The following AFF3 variants were observed in gnomAD, a reference collection of about 807,000 sequenced individuals.
AFF3 encodes the protein ALF transcription elongation factor 3, also known as AF4/FMR2 family member 3.
AFF3 carries 32 observed loss-of-function variants against 129.7 expected under a neutral mutation model. The observed-to-expected ratio is 0.25, with a 90% CI of 0.19 to 0.33. The LOEUF (loss-of-function observed/expected upper bound fraction) is 0.33, where lower values mean the gene tolerates loss of function less well. Among genes scored for constraint, AFF3 ranks in the 10% least tolerant of loss-of-function variants. The probability of loss-of-function intolerance (pLI) is 1.00; values close to 1 mark genes in which losing one functional copy is unlikely to be tolerated. For synonymous variants in AFF3, 644 were observed against 635.4 expected, an observed-to-expected ratio of 1.01 and a Z score of -0.20; for missense variants, 1,373 against 1,592.0, an observed-to-expected ratio of 0.86 and a Z score of 2.34.
At chr2:99,701,066 T>C (rs1676811613) in intron 11 of AFF3, among the ~76,000 whole-genome samples, 1 of 152,192 alleles carries the variant, frequency 6.6e-6, no homozygotes, top group South Asian at 2.1e-4. Flanking sequence ...CTAGGCATGC[T>C]GGACTCCATA....
intron 7 of AFF3, among the ~76,000 whole-genome samples, chr2:99,867,278 G>C (rs1346098380): frequency 6.6e-6 from 1 of 151,838 alleles, no homozygotes; most frequent in African/African-American, 2.4e-5. Context: ...TGCTTCGAAG[G>C]ATCCTTCTTT....
intron 2 of AFF3, among the ~76,000 whole-genome samples, chr2:100,124,664 G>C (rs879841073): frequency 1.5e-4 from 23 of 151,610 alleles, no homozygotes; most frequent in East Asian, 5.8e-4. Context: ...GGAGCAGAAG[G>C]GGGGAGATGG....
chr2:99,585,902 T>C (rs1028718441), intron 16 of AFF3, among the ~76,000 whole-genome samples: 3 of 152,072 alleles, frequency 2.0e-5, no homozygotes. Context: ...CTAATTTTTT[T>C]ATATTTTTAG....
intron 1 of AFF3, among the ~76,000 whole-genome samples, chr2:100,138,176 G>A (rs139228874): frequency 6.6e-6 from 1 of 152,258 alleles, no homozygotes; most frequent in East Asian, 1.9e-4. Flanking sequence ...TCTTCCTTCT[G>A]GGGATGCCTC....
At chr2:99,571,016 A>C (rs559902980) in intron 18 of AFF3, among the ~76,000 whole-genome samples, 5 of 152,234 alleles carry the variant, frequency 3.3e-5, no homozygotes. Flanking sequence ...TCTGAGCTGT[A>C]CTGGGCATGT....
chr2:99,724,672 G>T (rs1679212559), intron 11 of AFF3, among the ~76,000 whole-genome samples: 2 of 152,136 alleles, frequency 1.3e-5, no homozygotes, highest in Non-Finnish European at 2.9e-5. Context: ...CTGCACATAA[G>T]AATGTAAAAT....
intron 8 of AFF3, among the ~76,000 whole-genome samples, chr2:99,794,605 G>C (rs987729677): frequency 6.6e-6 from 1 of 151,994 alleles, no homozygotes; most frequent in Admixed American, 6.6e-5. Flanking sequence ...AGACTCAAGG[G>C]GTCCCCTATG....
In AFF3 at chr2:100,006,920, G is replaced by T; in HGVS notation, c.585C>A (p.Thr195=). 6.2e-7 allele frequency: 1 copy of T among 1,614,114 alleles called. No homozygotes were observed. Among genetic ancestry groups the T allele is most frequent in the South Asian group, 1.1e-5 (1 of 91,074 alleles). ...QVCNVEVGLQ[T]QERPPAMAAK... The stretch of plus-strand genomic sequence containing the variant: ...CCGCCATGGCAGGTGGCCTCTCCTG[G>T]GTCTGAAGGCCCACCTCCACATTGC... Residue 195 remains threonine, a synonymous_variant, in exon 7 of 25, where the codon ACC becomes ACA. Transcript: ENST00000672756.
intron 9 of AFF3, among the ~76,000 whole-genome samples, chr2:99,746,184 A>T (rs115852913): frequency 0.012 from 1,756 of 152,250 alleles, 45 homozygotes; most frequent in African/African-American, 0.04. Flanking sequence ...ATGTAAAAAA[A>T]AAAAAAGGTA....
At chr2:99,859,474 T>C (rs1418490000) in intron 7 of AFF3, among the ~76,000 whole-genome samples, 1 of 152,210 alleles carries the variant, frequency 6.6e-6, no homozygotes, top group Non-Finnish European at 1.5e-5. Context: ...AGGAAATTCT[T>C]ATATTACAAC....
intron 11 of AFF3, among the ~76,000 whole-genome samples, chr2:99,686,049 G>C (rs1186020129): frequency 6.6e-6 from 1 of 152,080 alleles, no homozygotes; most frequent in East Asian, 1.9e-4. Flanking sequence ...AATTAGCCGG[G>C]CTTGGTGGTG....
chr2:99,956,029 G>A (rs762004413), intron 7 of AFF3, among the ~76,000 whole-genome samples: 18 of 151,042 alleles, frequency 1.2e-4, no homozygotes, highest in Non-Finnish European at 2.7e-4. Context: ...ACAGGCATCA[G>A]AAAGGAAAAA....
chr2:99,593,413 G>C lies in AFF3; in HGVS notation c.2248C>G (p.Arg750Gly). ...TTTAGAGGGGAGAGAAGTTCGTTCC[G>C]GCCAAAGGGGACCAGTGTGTAGAAC... ...EQFYTLVPFG[R>G]NELLSPLKDS... Residue 750 changes from arginine (R) to glycine (G), a missense_variant, in exon 15 of 25, where the codon CGG becomes GGG. Physicochemically the swap from Arg to Gly is moderately radical, Grantham distance 125. This residue lies in a region of AFF3 where 466 missense variants were observed against 505.0 expected (regional missense o/e 0.92). Transcript: ENST00000672756. 6.2e-7 allele frequency: 1 copy of C among 1,613,826 alleles called. No homozygotes were observed. The highest frequency in any genetic ancestry group is 1.1e-5 in the South Asian group (1 of 91,054).
intron 10 of AFF3, among the ~76,000 whole-genome samples, chr2:99,728,081 TG>T (rs897362319): frequency 3.9e-5 from 6 of 152,182 alleles, no homozygotes; most frequent in Non-Finnish European, 8.8e-5. Context: ...TGTACGTAGT[TG>T]GGGGAGCTTG....
At chr2:100,020,124 C>G (rs1248161920) in intron 4 of AFF3, among the ~76,000 whole-genome samples, 2 of 152,152 alleles carry the variant, frequency 1.3e-5, no homozygotes, top group East Asian at 3.9e-4. Flanking sequence ...AACATGCAAT[C>G]TGGTTCTCCT....
chr2:100,020,955 A>G (rs1411369944), intron 4 of AFF3, among the ~76,000 whole-genome samples: 1 of 152,118 alleles, frequency 6.6e-6, no homozygotes, highest in Non-Finnish European at 1.5e-5. Context: ...ATAGCATCTC[A>G]ATCTGGTAGC....
At chr2:99,945,835 G>A (rs1309505862) in intron 7 of AFF3, among the ~76,000 whole-genome samples, 1 of 152,146 alleles carries the variant, frequency 6.6e-6, no homozygotes, top group Non-Finnish European at 1.5e-5. Flanking sequence ...AACAAAGGCT[G>A]TCAACAAAAG....
intron 7 of AFF3, among the ~76,000 whole-genome samples, chr2:99,957,684 G>C (rs528949409): frequency 6.6e-6 from 1 of 152,344 alleles, no homozygotes; most frequent in South Asian, 2.1e-4. Flanking sequence ...ATAAACCACT[G>C]TCAGGCTGCG....
intron 11 of AFF3, among the ~76,000 whole-genome samples, chr2:99,682,366 C>G (rs1221262452): frequency 6.6e-6 from 1 of 152,192 alleles, no homozygotes; most frequent in Non-Finnish European, 1.5e-5. Context: ...CCCCCATCTT[C>G]CATTGGAATA....
Sources: allele counts gnomAD v4.1 joint callset (sites outside exome capture counted in the v4.1 genomes callset), GRCh38; gene constraint gnomAD v4.1.1; regional missense constraint gnomAD v4.1.1; transcripts MANE v1.5; gene names NCBI Gene and HGNC (gene_info 2026-07-23, HGNC 2026-07-21).